The following CLDND1 variants were observed in gnomAD, a reference collection of about 807,000 sequenced individuals.
CLDND1 encodes the protein claudin domain-containing protein 1.
In CLDND1, 13 loss-of-function variants were observed where a neutral mutation model predicts 26.3. The ratio of observed to expected loss-of-function variants is 0.49; its 90% CI spans 0.32 to 0.78. The LOEUF is 0.78. Among genes scored for constraint, CLDND1 ranks in the 30% least tolerant of loss-of-function variants. The pLI is 0.03. For synonymous variants in CLDND1, 107 were observed against 107.0 expected, an observed-to-expected ratio of 1.00 and a Z score of 0.00; for missense variants, 289 against 312.8, an observed-to-expected ratio of 0.92 and a Z score of 0.57.
chr3:98,517,243 C>T (rs1706182684), intron 3 of CLDND1, 54 bp from the exon 4 acceptor site: 1 of 1,575,890 alleles, frequency 6.3e-7, no homozygotes, highest in Non-Finnish European at 8.6e-7. Flanking sequence ...GACCATTTTC[C>T]CCGCAATGGC....
chr3:98,522,645 G>C (rs538262137), intron 1 of CLDND1: 2 of 1,409,374 alleles, frequency 1.4e-6, no homozygotes, highest in South Asian at 3.1e-5. Flanking sequence ...CAGGGCTGGG[G>C]CGGGGCAGCC....
chr3:98,521,351 G>A lies in CLDND1; in HGVS notation c.74C>T (p.Ala25Val), dbSNP rs749152156. The change falls in exon 2 of 5, where the codon GCC (alanine) becomes GTC (valine). Residue 25 changes from alanine (A) to valine (V), a missense_variant. Coordinates refer to ENST00000341181, the MANE Select transcript of CLDND1 (RefSeq NM_001040181.2). Reference sequence around the variant, plus strand: ...ATACCAGAAGTCTGTGCCAATGGAGGCTGCCATGTAGATGGTGGAAATGAG... The same window carrying A: ...ATACCAGAAGTCTGTGCCAATGGAGACTGCCATGTAGATGGTGGAAATGAG... ...LSLISTIYMA[A>V]SIGTDFWYEY... is the part of the protein sequence containing the mutation. The A allele has an allele frequency of 4.3e-6, 7 of 1,614,074 alleles. No individual in the cohort carries two copies. The highest frequency in any genetic ancestry group is 1.3e-5 in the African/African-American group (1 of 74,936).
Position 98,522,839 on chromosome 3 carries a change from G to T in CLDND1, c.-19+10C>A, listed in dbSNP as rs199920939. 6.2e-7 allele frequency: 1 copy of T among 1,613,708 alleles called. No homozygotes were observed. Among genetic ancestry groups the T allele is most frequent in the South Asian group, 1.1e-5 (1 of 91,078 alleles). ...ACCCCTGCCCGGCGACGCAGGTCCC[G>T]CTCACTCACCGCCCATCCTCCTGCT... is the stretch of plus-strand genomic sequence containing the variant. On this transcript the variant is annotated intron_variant, in intron 1 of 4. Coordinates refer to ENST00000341181, the MANE Select transcript of CLDND1 (RefSeq NM_001040181.2).
At chr3:98,521,680 G>C in intron 1 of CLDND1, 2 of 1,613,058 alleles carry the variant, frequency 1.2e-6, no homozygotes. Flanking sequence ...CAGAGGTCTT[G>C]TTCTCTAGTC....
At chr3:98,518,816 T>C in intron 3 of CLDND1, 69 bp downstream of exon 3, 1 of 925,104 alleles carries the variant, frequency 1.1e-6, no homozygotes, top group Non-Finnish European at 1.8e-6. Flanking sequence ...TCCAAAAACA[T>C]AGTCCAAAAA....
At chr3:98,522,777 C>T (rs1706483434) in intron 1 of CLDND1, 72 bp downstream of exon 1, 14 of 1,612,480 alleles carry the variant, frequency 8.7e-6, no homozygotes, top group Non-Finnish European at 1.1e-5. Flanking sequence ...GAAGGGGGCC[C>T]CTCTTCAAAC....
chr3:98,517,052 C>T lies in CLDND1; in HGVS notation c.541G>A (p.Gly181Ser), dbSNP rs755792548. 1.2e-6 allele frequency: 2 copies of T among 1,613,902 alleles called. No homozygotes were observed. The highest frequency in any genetic ancestry group is 1.7e-6 in the Non-Finnish European group (2 of 1,179,952). ...AGGTAAGTATGATGACAAAACCTAC[C>T]TGCAAGGAGATGGAGAATGCCCGTG... Reference protein sequence around the residue: ...IATGILHLLAGLCTLGSVSCY... With the variant: ...IATGILHLLASLCTLGSVSCY... The change falls in exon 4 of 5, where the codon GGT (glycine) becomes AGT (serine). Residue 181 changes from glycine to serine, a missense_variant and splice_region_variant. Physicochemically the swap from Gly to Ser is moderately conservative, Grantham distance 56. Transcript: ENST00000341181.
chr3:98,516,266 A>C lies in CLDND1; in HGVS notation c.*393T>G, dbSNP rs1706132671. 9.7e-7 allele frequency: 1 copy of C among 1,028,460 alleles called. No homozygotes were observed. Among genetic ancestry groups the C allele is most frequent in the Non-Finnish European group, 1.2e-6 (1 of 856,614 alleles). The allele number at this position is 1,028,460 out of a possible 1,614,324, so 63.7% of individuals were successfully genotyped here. A position where few individuals can be genotyped will look rare whatever the true frequency, so the allele number is the denominator to read the frequency against. ...GTGAACATAAAGTTTTGACGATGAG[A>C]GGTTTCCCAAAGAAACTAATATAGA... is the stretch of plus-strand genomic sequence containing the variant. On this transcript the variant is annotated 3_prime_UTR_variant, in exon 5 of 5. Coordinates refer to ENST00000341181, the MANE Select transcript of CLDND1 (RefSeq NM_001040181.2).
chr3:98,522,705 T>C (rs958925816), intron 1 of CLDND1, 144 bp downstream of exon 1: 2 of 1,521,982 alleles, frequency 1.3e-6, no homozygotes, highest in East Asian at 2.5e-5. Context: ...GGCCCCGCCC[T>C]AGAGGGCTCG....
intron 4 of CLDND1, 82 bp from the exon 5 acceptor site, chr3:98,516,961 C>T (rs1338312708): frequency 6.2e-7 from 1 of 1,607,092 alleles, no homozygotes; most frequent in African/African-American, 1.3e-5. Flanking sequence ...TGTGACAGGG[C>T]AGTTAATACG....
intron 2 of CLDND1, among the ~76,000 whole-genome samples, chr3:98,519,822 C>T (rs941868776): frequency 1.3e-5 from 2 of 152,194 alleles, no homozygotes; most frequent in African/African-American, 4.8e-5. Context: ...CCTTTCCAAC[C>T]TAAATGACTT....
intron 4 of CLDND1, 72 bp downstream of exon 4, chr3:98,516,980 T>C (rs1167673890): frequency 6.2e-7 from 1 of 1,607,532 alleles, no homozygotes; most frequent in African/African-American, 1.3e-5. Context: ...CGTGAACATT[T>C]CAGATTTATA....
chr3:98,519,827 T>A (rs980014390), intron 2 of CLDND1, among the ~76,000 whole-genome samples: 2 of 152,208 alleles, frequency 1.3e-5, no homozygotes, highest in Admixed American at 6.5e-5. Flanking sequence ...CCAACCTAAA[T>A]GACTTCCTCC....
At position 98,516,505 on chromosome 3, in the gene CLDND1, T is replaced by C. The variant is rs1175537833; in HGVS notation, c.*154A>G. On this transcript the variant is annotated 3_prime_UTR_variant, in exon 5 of 5. Transcript: ENST00000341181. Reference sequence around the variant, plus strand: ...ACATAAATTTTAGTGGTATTAAGTGTGTATTTAGTGGTGAATGTGTATAAA... The same window carrying C: ...ACATAAATTTTAGTGGTATTAAGTGCGTATTTAGTGGTGAATGTGTATAAA... 4.2e-6 allele frequency: 6 copies of C among 1,413,792 alleles called. No individual in the cohort carries two copies. The highest frequency in any genetic ancestry group is 2.6e-4 in the Middle Eastern group (1 of 3,860). The allele number at this position is 1,413,792 out of a possible 1,614,324, so 87.6% of individuals were successfully genotyped here. A position where few individuals can be genotyped will look rare whatever the true frequency, so the allele number is the denominator to read the frequency against.
rs1326133827 is a variant in CLDND1, at chr3:98,521,569, T to C, written c.-18-127A>G. The C allele has an allele frequency of 1.2e-5, 17 of 1,459,458 alleles. 1 individual carries two copies. The South Asian group carries it at 1.2e-4, about 10-fold the overall frequency. The allele number at this position is 1,459,458 out of a possible 1,614,324, so 90.4% of individuals were successfully genotyped here. On this transcript the variant is annotated intron_variant, in intron 1 of 4. Transcript: ENST00000341181. The stretch of plus-strand genomic sequence containing the variant: ...CCTTCGTACATATAACCATTAAGAA[T>C]TTTTTTTAGAAAGCAAGCATGTTTT...
chr3:98,516,038 A>G lies in CLDND1; in HGVS notation c.*621T>C. 8.6e-7 allele frequency: 1 copy of G among 1,161,626 alleles called. No individual in the cohort carries two copies. The highest frequency in any genetic ancestry group is 6.0e-5 in the East Asian group (1 of 16,744). The allele number at this position is 1,161,626 out of a possible 1,614,324, so 72.0% of individuals were successfully genotyped here. A position where few individuals can be genotyped will look rare whatever the true frequency, so the allele number is the denominator to read the frequency against. ...CTGGAATTCTTGCAGTTACAAAGTT[A>G]AAATTTCAAGTAAACACTGTATTTT... On this transcript the variant is annotated 3_prime_UTR_variant, in exon 5 of 5. Coordinates refer to ENST00000341181, the MANE Select transcript of CLDND1 (RefSeq NM_001040181.2).
chr3:98,515,945 A>C lies in CLDND1; in HGVS notation c.*714T>G, dbSNP rs1410783449. Reference sequence around the variant, plus strand: ...TGTGAAGAGGAAAGAAAAAAAATCCAAAACAATTTGGTGGTACTGAAAATC... The same window carrying C: ...TGTGAAGAGGAAAGAAAAAAAATCCCAAACAATTTGGTGGTACTGAAAATC... On this transcript the variant is annotated 3_prime_UTR_variant, in exon 5 of 5. Transcript: ENST00000341181. 1 of 1,223,602 alleles carries C rather than the reference A, an allele frequency of 8.2e-7. No homozygotes were observed. The highest frequency in any genetic ancestry group is 1.6e-5 in the African/African-American group (1 of 63,406). 75.8% of individuals were successfully genotyped at this position (1,223,602 alleles called of 1,614,324 possible). A position where few individuals can be genotyped will look rare whatever the true frequency, so the allele number is the denominator to read the frequency against.
chr3:98,520,568 G>GT (rs75322770), intron 2 of CLDND1, among the ~76,000 whole-genome samples: 127 of 144,750 alleles, frequency 8.8e-4, no homozygotes, highest in Middle Eastern at 3.6e-3. Context: ...CTAGTTTTTG[G>GT]TTTTTTTTTT....
chr3:98,516,085 A>G lies in CLDND1; in HGVS notation c.*574T>C. 8.8e-7 allele frequency: 1 copy of G among 1,135,596 alleles called. No individual in the cohort carries two copies. Among genetic ancestry groups the G allele is most frequent in the Non-Finnish European group, 1.1e-6 (1 of 911,676 alleles). The allele number at this position is 1,135,596 out of a possible 1,614,324, so 70.3% of individuals were successfully genotyped here. On this transcript the variant is annotated 3_prime_UTR_variant, in exon 5 of 5. Coordinates refer to ENST00000341181, the MANE Select transcript of CLDND1 (RefSeq NM_001040181.2). ...TTTTTCACTTTTTGTAGACAGACAC[A>G]GTGCAGATACAAACAGCTGCCATAT...
Sources: allele counts gnomAD v4.1 joint callset (sites outside exome capture counted in the v4.1 genomes callset), GRCh38; gene constraint gnomAD v4.1.1; transcripts MANE v1.5; gene names NCBI Gene and HGNC (gene_info 2026-07-23, HGNC 2026-07-21).